The following MUSK variants were observed in gnomAD, a reference collection of about 807,000 sequenced individuals.
The protein encoded by MUSK is muscle, skeletal receptor tyrosine-protein kinase.
Under a neutral mutation model 88.7 loss-of-function variants are expected in MUSK, and 55 were observed. The observed-to-expected ratio is 0.62, with a 90% CI of 0.50 to 0.78. The LOEUF (loss-of-function observed/expected upper bound fraction) is 0.78. MUSK is among the 30% of genes least tolerant of loss of function. The pLI is 0.00. For missense variants in MUSK, 1,015 were observed against 1,074.3 expected, an observed-to-expected ratio of 0.94 and a Z score of 0.77; for synonymous variants, 387 against 391.9, an observed-to-expected ratio of 0.99 and a Z score of 0.15.
chr9:110,771,106 A>G (rs1040393254), intron 9 of MUSK, among the ~76,000 whole-genome samples: 7 of 151,352 alleles, frequency 4.6e-5, no homozygotes, highest in African/African-American at 1.7e-4. Flanking sequence ...CACTACCCCA[A>G]TCAAGACATA....
chr9:110,682,572 AC>A (rs2131655775), intron 1 of MUSK, 101 bp from the exon 2 acceptor site: 1 of 1,187,142 alleles, frequency 8.4e-7, no homozygotes, highest in South Asian at 1.7e-5. Flanking sequence ...CTCTGGGGAA[AC>A]AGAATTCTCA....
chr9:110,748,048 TCTTC>T (rs761117804), intron 7 of MUSK: 21 of 643,246 alleles, frequency 3.3e-5, no homozygotes, highest in South Asian at 9.1e-5. Context: ...GGAACTCACT[TCTTC>T]CTTCCTTCTT....
chr9:110,680,990 C>T (rs1198546658), intron 1 of MUSK, among the ~76,000 whole-genome samples: 1 of 47,588 alleles, frequency 2.1e-5, no homozygotes, highest in Non-Finnish European at 3.8e-5. Flanking sequence ...TATAATGATC[C>T]TTATAATATA....
At chr9:110,782,016 G>A (rs146001441) in intron 11 of MUSK, among the ~76,000 whole-genome samples, 1,889 of 152,222 alleles carry the variant, frequency 0.012, 20 homozygotes, top group South Asian at 0.036. Context: ...CACAAGCATC[G>A]TGTTCTTACT....
chr9:110,703,652 TTAGAGA>T (rs2076559740), intron 5 of MUSK, among the ~76,000 whole-genome samples: 1 of 152,006 alleles, frequency 6.6e-6, no homozygotes, highest in African/African-American at 2.4e-5. Flanking sequence ...TAATAGTATA[TTAGAGA>T]TAAAGAGATA....
intron 6 of MUSK, among the ~76,000 whole-genome samples, chr9:110,745,088 A>C (rs981628694): frequency 1.3e-5 from 2 of 152,232 alleles, no homozygotes; most frequent in Non-Finnish European, 2.9e-5. Flanking sequence ...TGAATCAAGC[A>C]AGGCCTCTGG....
intron 3 of MUSK, among the ~76,000 whole-genome samples, chr9:110,691,808 A>G (rs1236963425): frequency 2.6e-5 from 4 of 152,088 alleles, no homozygotes; most frequent in Non-Finnish European, 1.5e-5. Context: ...ATCATTAGGT[A>G]CTTTTTTCAG....
intron 7 of MUSK, 137 bp from the exon 8 acceptor site, chr9:110,762,065 G>A: frequency 3.9e-6 from 4 of 1,030,402 alleles, no homozygotes; most frequent in East Asian, 6.0e-5. Context: ...CCTAGCAGAA[G>A]CGGAGAACTT....
intron 4 of MUSK, among the ~76,000 whole-genome samples, chr9:110,696,639 T>C (rs2076433860): frequency 6.6e-6 from 1 of 152,150 alleles, no homozygotes; most frequent in South Asian, 2.1e-4. Context: ...TTACTGAATT[T>C]AGGGTTCAAA....
intron 5 of MUSK, among the ~76,000 whole-genome samples, chr9:110,716,686 C>T (rs2076747717): frequency 6.7e-6 from 1 of 149,980 alleles, no homozygotes; most frequent in Non-Finnish European, 1.5e-5. Context: ...AGGGGACATT[C>T]ACGATAAACT....
At chr9:110,773,534 A>G (rs902408274) in intron 9 of MUSK, among the ~76,000 whole-genome samples, 2 of 152,076 alleles carry the variant, frequency 1.3e-5, no homozygotes, top group Admixed American at 1.3e-4. Flanking sequence ...ATTGTCATTC[A>G]TTTCAAATAA....
intron 3 of MUSK, among the ~76,000 whole-genome samples, chr9:110,691,271 A>AT (rs1284870948): frequency 6.6e-6 from 1 of 152,082 alleles, no homozygotes; most frequent in Admixed American, 6.6e-5. Flanking sequence ...CATCATGGAC[A>AT]TTTTTTGGTA....
intron 7 of MUSK, among the ~76,000 whole-genome samples, chr9:110,748,796 C>T (rs1001988662): frequency 2.0e-5 from 3 of 152,256 alleles, no homozygotes; most frequent in East Asian, 1.9e-4. Context: ...TGAATAAAAA[C>T]CACAGATAAA....
intron 12 of MUSK, 88 bp downstream of exon 12, chr9:110,785,104 G>A: frequency 1.8e-6 from 2 of 1,137,042 alleles, no homozygotes; most frequent in Admixed American, 3.7e-5. Flanking sequence ...GAATATATAT[G>A]ACACTGCAAC....
intron 14 of MUSK, among the ~76,000 whole-genome samples, chr9:110,788,593 C>T (rs2077914883): frequency 6.6e-6 from 1 of 151,274 alleles, no homozygotes; most frequent in African/African-American, 2.4e-5. Context: ...GATTGCACCA[C>T]TGCACCACAG....
intron 8 of MUSK, among the ~76,000 whole-genome samples, chr9:110,763,454 A>C (rs1039093341): frequency 1.1e-4 from 17 of 152,380 alleles, no homozygotes; most frequent in African/African-American, 3.8e-4. Context: ...TTCTGAAAAA[A>C]ACAGGCAGCA....
intron 5 of MUSK, among the ~76,000 whole-genome samples, chr9:110,715,879 C>T (rs1479769134): frequency 6.7e-6 from 1 of 149,196 alleles, no homozygotes; most frequent in Non-Finnish European, 1.5e-5. Flanking sequence ...GAACACAAAA[C>T]CAAACACCAC....
chr9:110,713,649 A>G (rs1394614737), intron 5 of MUSK, among the ~76,000 whole-genome samples: 1 of 152,172 alleles, frequency 6.6e-6, no homozygotes, highest in Non-Finnish European at 1.5e-5. Context: ...CTTATCTGGC[A>G]TCCAGAATTC....
chr9:110,763,529 GAC>G, intron 8 of MUSK, among the ~76,000 whole-genome samples: 1 of 152,324 alleles, frequency 6.6e-6, no homozygotes, highest in South Asian at 2.1e-4. Flanking sequence ...TATATACAAA[GAC>G]ACTAGACGCG....
Sources: allele counts gnomAD v4.1 joint callset (sites outside exome capture counted in the v4.1 genomes callset), GRCh38; gene constraint gnomAD v4.1.1; transcripts MANE v1.5; gene names NCBI Gene and HGNC (gene_info 2026-07-23, HGNC 2026-07-21).